The following ATXN1 variants were observed in gnomAD, a reference collection of about 807,000 sequenced individuals.
ATXN1 encodes ataxin-1.
ATXN1 carries 8 observed loss-of-function variants against 56.4 expected under a neutral mutation model. That is an observed-to-expected ratio of 0.14 (90% CI 0.08 to 0.26). The LOEUF (loss-of-function observed/expected upper bound fraction) is 0.26. ATXN1 is among the 10% of genes least tolerant of loss of function. The pLI, the probability that ATXN1 is intolerant of heterozygous loss-of-function variation, is 1.00. For synonymous variants in ATXN1, 514 were observed against 494.6 expected (o/e 1.04, Z -0.52); for missense variants, 987 against 1,106.5 (o/e 0.89, Z 1.53).
chr6:16,742,679 G>A (rs4716093), intron 2 of ATXN1, among the ~76,000 whole-genome samples: 2 of 152,118 alleles, frequency 1.3e-5, no homozygotes, highest in African/African-American at 4.8e-5. Flanking sequence ...GTGCAACTTC[G>A]AGATGAAGTC....
chr6:16,543,009 G>C (rs1761744670), intron 4 of ATXN1, among the ~76,000 whole-genome samples: 1 of 152,084 alleles, frequency 6.6e-6, no homozygotes, highest in Non-Finnish European at 1.5e-5. Flanking sequence ...CCGAAGATGG[G>C]GGGTGGGGGG....
chr6:16,369,553 G>C (rs552631820), intron 6 of ATXN1, among the ~76,000 whole-genome samples: 3 of 152,306 alleles, frequency 2.0e-5, no homozygotes, highest in Admixed American at 2.0e-4. Context: ...CATGGACAGG[G>C]GTTAACCTCT....
intron 6 of ATXN1, among the ~76,000 whole-genome samples, chr6:16,385,011 G>A (rs898471649): frequency 5.9e-5 from 9 of 152,220 alleles, no homozygotes; most frequent in African/African-American, 1.4e-4. Context: ...GTGAGACCAG[G>A]AGGGAAAAGT....
intron 3 of ATXN1, among the ~76,000 whole-genome samples, chr6:16,602,142 T>G (rs184986120): frequency 1.2e-4 from 19 of 152,118 alleles, no homozygotes; most frequent in Admixed American, 4.6e-4. Context: ...ATAAGCAGAG[T>G]TGTCTTCCGC....
intron 3 of ATXN1, among the ~76,000 whole-genome samples, chr6:16,654,771 G>C (rs1758157139): frequency 6.6e-6 from 1 of 152,134 alleles, no homozygotes; most frequent in Non-Finnish European, 1.5e-5. Flanking sequence ...AAAACCACCA[G>C]CAAACAGGTA....
At chr6:16,688,012 C>T (rs920218860) in intron 2 of ATXN1, among the ~76,000 whole-genome samples, 7 of 152,158 alleles carry the variant, frequency 4.6e-5, no homozygotes, top group African/African-American at 7.2e-5. Context: ...ACTGAGTTCA[C>T]GGAGGGCCCT....
chr6:16,695,528 G>A lies in ATXN1; in HGVS notation c.-614-37627C>T, dbSNP rs1759146409. Among the ~76,000 whole-genome samples, 3 of 152,212 alleles carry A rather than the reference G, an allele frequency of 2.0e-5. No individual in the cohort carries two copies. The South Asian group carries it at 6.2e-4, about 31-fold the overall frequency. On this transcript the variant is annotated intron_variant, in intron 2 of 7. Transcript: ENST00000436367. ...AAGTACCCAAGCAAGCCCACCAGGT[G>A]TGTGGGACAATTCTAGAGCCCTGGG...
intron 6 of ATXN1, among the ~76,000 whole-genome samples, chr6:16,413,892 CAA>C (rs1279988003): frequency 6.6e-6 from 1 of 152,090 alleles, no homozygotes; most frequent in Non-Finnish European, 1.5e-5. Flanking sequence ...TTTGGGGAAA[CAA>C]GAGTTACTTT....
intron 6 of ATXN1, among the ~76,000 whole-genome samples, chr6:16,388,186 C>T (rs1323616855): frequency 1.3e-5 from 2 of 152,160 alleles, no homozygotes; most frequent in African/African-American, 2.4e-5. Context: ...AAAGAATCTG[C>T]AGTCACGGTG....
intron 2 of ATXN1, among the ~76,000 whole-genome samples, chr6:16,679,766 G>A (rs992686765): frequency 1.3e-5 from 2 of 152,078 alleles, no homozygotes; most frequent in South Asian, 2.1e-4. Context: ...ACAGTTAAAC[G>A]GGGGGATTAG....
At chr6:16,558,206 G>T (rs977956360) in intron 4 of ATXN1, among the ~76,000 whole-genome samples, 5 of 150,976 alleles carry the variant, frequency 3.3e-5, no homozygotes, top group African/African-American at 1.2e-4. Context: ...GAAGGCTAAG[G>T]CAGGAGGCTG....
rs1051170477 is a variant in ATXN1, at chr6:16,586,517, C to T, written c.-488-610G>A. 4.6e-5 allele frequency among the ~76,000 whole-genome samples: 7 copies of T among 152,310 alleles called. No homozygotes were observed. The East Asian group carries it at 5.8e-4, about 13-fold the overall frequency. On this transcript the variant is annotated intron_variant, in intron 3 of 7. Coordinates refer to ENST00000436367, the MANE Select transcript of ATXN1 (RefSeq NM_001128164.2). ...TGGGCCATGTGCTAAGGGCTTTACA[C>T]ACATTGCCCCACTCCACTGCAGTCT...
intron 6 of ATXN1, among the ~76,000 whole-genome samples, chr6:16,353,921 G>A (rs914643530): frequency 1.3e-5 from 2 of 150,584 alleles, no homozygotes; most frequent in African/African-American, 4.9e-5. Flanking sequence ...TCTGGGCTGG[G>A]ACCTAGGAAT....
At chr6:16,686,212 C>T (rs2113409087) in intron 2 of ATXN1, among the ~76,000 whole-genome samples, 1 of 152,174 alleles carries the variant, frequency 6.6e-6, no homozygotes, top group East Asian at 1.9e-4. Context: ...ATAGTCATCC[C>T]AAAACATACA....
At chr6:16,734,202 T>C (rs977403722) in intron 2 of ATXN1, among the ~76,000 whole-genome samples, 2 of 152,184 alleles carry the variant, frequency 1.3e-5, no homozygotes, top group African/African-American at 4.8e-5. Flanking sequence ...TTCTCAGGTG[T>C]TCTGTTTGCT....
intron 6 of ATXN1, among the ~76,000 whole-genome samples, chr6:16,399,201 T>C (rs1359314833): frequency 6.6e-6 from 1 of 152,212 alleles, no homozygotes; most frequent in Admixed American, 6.5e-5. Context: ...AATGTGGCAG[T>C]GAATGCACAG....
intron 2 of ATXN1, among the ~76,000 whole-genome samples, chr6:16,700,346 G>A (rs1294243566): frequency 1.3e-5 from 2 of 152,116 alleles, no homozygotes; most frequent in Non-Finnish European, 2.9e-5. Context: ...TCCCTGATTT[G>A]CCTCTGCCCC....
intron 6 of ATXN1, among the ~76,000 whole-genome samples, chr6:16,348,410 T>G (rs1037861707): frequency 1.3e-5 from 2 of 152,054 alleles, no homozygotes; most frequent in Non-Finnish European, 2.9e-5. Context: ...AAAATGAAGA[T>G]AGTATGGCGA....
At chr6:16,598,210 C>A (rs1762850222) in intron 3 of ATXN1, among the ~76,000 whole-genome samples, 1 of 152,178 alleles carries the variant, frequency 6.6e-6, no homozygotes, top group Non-Finnish European at 1.5e-5. Context: ...TGCTTTCATG[C>A]ATGCTACATA....
Sources: allele counts gnomAD v4.1 joint callset (sites outside exome capture counted in the v4.1 genomes callset), GRCh38; gene constraint gnomAD v4.1.1; transcripts MANE v1.5; gene names NCBI Gene and HGNC (gene_info 2026-07-23, HGNC 2026-07-21).